The following EPHA5 variants were observed in gnomAD, a reference collection of about 807,000 sequenced individuals.
The protein encoded by EPHA5 is ephrin type-A receptor 5.
Under a neutral mutation model 105.0 loss-of-function variants are expected in EPHA5, and 60 were observed. That is an observed-to-expected ratio of 0.57 (90% CI 0.46 to 0.71). EPHA5 has a LOEUF of 0.71. Ranked by LOEUF, EPHA5 falls within the 30% of genes least tolerant of loss-of-function variation. EPHA5 has a pLI of 0.00. For synonymous variants in EPHA5, 513 were observed against 449.1 expected (o/e 1.14, Z -1.80); for missense variants, 1,218 against 1,274.7 (o/e 0.96, Z 0.68).
At chr4:65,486,694 A>G (rs1730913296) in intron 5 of EPHA5, among the ~76,000 whole-genome samples, 1 of 152,252 alleles carries the variant, frequency 6.6e-6, no homozygotes, top group Non-Finnish European at 1.5e-5. Context: ...AAAAACTACT[A>G]CAAAACACTT....
rs142556101 is a variant in EPHA5 at position 65,460,816 on chromosome 4, G to A, written c.1402+29561C>T. Among the ~76,000 whole-genome samples the A allele has an allele frequency of 2.3e-4, 35 of 151,852 alleles. No homozygotes were observed. In the East Asian group the frequency reaches 6.4e-3, roughly 28 times the overall value. On this transcript the variant is annotated intron_variant, in intron 5 of 16. Coordinates refer to ENST00000613740, the MANE Select transcript of EPHA5 (RefSeq NM_001281766.3). ...TGTTGGTATATGCTTCAATGTACGTGTGTGTTTGAGGTGAATGAGGGGAGA... is the reference window on the plus strand; with the variant it reads ...TGTTGGTATATGCTTCAATGTACGTATGTGTTTGAGGTGAATGAGGGGAGA...
intron 11 of EPHA5, among the ~76,000 whole-genome samples, chr4:65,361,125 T>C (rs113207106): frequency 0.013 from 2,019 of 151,766 alleles, 39 homozygotes; most frequent in African/African-American, 0.046. Flanking sequence ...GTTCATATTT[T>C]AAAACTTGTA....
At chr4:65,347,025 T>A (rs28377101) in intron 14 of EPHA5, among the ~76,000 whole-genome samples, 1,598 of 152,238 alleles carry the variant, frequency 0.01, 27 homozygotes, top group African/African-American at 0.036. Flanking sequence ...ACTTTTAGGT[T>A]GGACTCGAAT....
At chr4:65,628,355 A>C (rs1746334456) in intron 2 of EPHA5, among the ~76,000 whole-genome samples, 1 of 152,116 alleles carries the variant, frequency 6.6e-6, no homozygotes, top group Admixed American at 6.6e-5. Flanking sequence ...CAATGTATGA[A>C]TAATGCTACC....
At chr4:65,564,520 T>A (rs1168202259) in intron 3 of EPHA5, among the ~76,000 whole-genome samples, 1 of 151,774 alleles carries the variant, frequency 6.6e-6, no homozygotes, top group Non-Finnish European at 1.5e-5. Flanking sequence ...GACTTTGTTT[T>A]TATTGTATCA....
chr4:65,355,045 T>G (rs924363037), intron 11 of EPHA5, among the ~76,000 whole-genome samples: 1 of 151,784 alleles, frequency 6.6e-6, no homozygotes, highest in Non-Finnish European at 1.5e-5. Context: ...AGATCACATA[T>G]GCAGAGAATG....
At chr4:65,584,512 C>A (rs916703306) in intron 3 of EPHA5, among the ~76,000 whole-genome samples, 11 of 151,740 alleles carry the variant, frequency 7.2e-5, no homozygotes, top group African/African-American at 2.4e-4. Context: ...CAAAGCATAA[C>A]CTAAACATAT....
chr4:65,559,705 A>G (rs1287742080), intron 3 of EPHA5, among the ~76,000 whole-genome samples: 1 of 152,180 alleles, frequency 6.6e-6, no homozygotes, highest in East Asian at 1.9e-4. Context: ...TACCATGGGT[A>G]TTAGAAGGGC....
rs2149572824 is a variant in EPHA5 at position 65,669,787 on chromosome 4, C to G, written c.-45G>C. The stretch of plus-strand genomic sequence containing the variant: ...GTGCCGCTGTCCCGAGCGGCTCAGT[C>G]CACCGCTTCGGCCTCGCAGAGCGGC... On this transcript the variant is annotated 5_prime_UTR_variant, in exon 1 of 17. Coordinates refer to ENST00000613740, the MANE Select transcript of EPHA5 (RefSeq NM_001281766.3). 1.6e-6 allele frequency: 2 copies of G among 1,237,446 alleles called. No homozygotes were observed. Among genetic ancestry groups the G allele is most frequent in the Non-Finnish European group, 2.0e-6 (2 of 990,672 alleles). The allele number at this position is 1,237,446 out of a possible 1,614,324, so 76.7% of individuals were successfully genotyped here.
chr4:65,582,350 C>T (rs1263722186), intron 3 of EPHA5, among the ~76,000 whole-genome samples: 3 of 151,208 alleles, frequency 2.0e-5, no homozygotes, highest in East Asian at 3.9e-4. Flanking sequence ...TGAACTATGA[C>T]GAGGGAAACT....
chr4:65,335,729 G>T (rs945724708), intron 15 of EPHA5, among the ~76,000 whole-genome samples: 1 of 151,860 alleles, frequency 6.6e-6, no homozygotes, highest in Non-Finnish European at 1.5e-5. Context: ...TATTAGATTA[G>T]GTATAGGTGA....
intron 3 of EPHA5, among the ~76,000 whole-genome samples, chr4:65,520,935 A>G (rs1201646897): frequency 5.3e-5 from 8 of 152,146 alleles, no homozygotes; most frequent in African/African-American, 1.9e-4. Context: ...TAGGACTGTA[A>G]ACTGCTTCAA....
chr4:65,374,596 G>C (rs1718805419), intron 8 of EPHA5, among the ~76,000 whole-genome samples: 1 of 151,822 alleles, frequency 6.6e-6, no homozygotes, highest in Non-Finnish European at 1.5e-5. Flanking sequence ...TCTTCGGAAC[G>C]CTAAATTTCC....
chr4:65,405,346 T>C (rs1307884260), intron 7 of EPHA5, among the ~76,000 whole-genome samples: 1 of 152,210 alleles, frequency 6.6e-6, no homozygotes, highest in African/African-American at 2.4e-5. Context: ...ATATCTAGCA[T>C]GCTTCTTGTT....
At chr4:65,658,291 A>G (rs1045690274) in intron 1 of EPHA5, among the ~76,000 whole-genome samples, 2 of 152,102 alleles carry the variant, frequency 1.3e-5, no homozygotes, top group Non-Finnish European at 2.9e-5. Context: ...GAAGGGGAAC[A>G]GGCAGGAGAG....
chr4:65,373,053 C>A (rs576690838), intron 8 of EPHA5, among the ~76,000 whole-genome samples: 1 of 151,758 alleles, frequency 6.6e-6, no homozygotes, highest in African/African-American at 2.4e-5. Flanking sequence ...AAAATTAATT[C>A]TCCCTGTTTT....
intron 3 of EPHA5, among the ~76,000 whole-genome samples, chr4:65,541,307 C>A (rs903704987): frequency 6.6e-6 from 1 of 151,676 alleles, no homozygotes; most frequent in African/African-American, 2.4e-5. Context: ...CACAGACTGG[C>A]AAATTGGATA....
rs749105796 is a variant in EPHA5 at position 65,365,012 on chromosome 4, CT to C, written c.2173+4del. The C allele has an allele frequency of 6.2e-7, 1 of 1,609,490 alleles. No individual in the cohort carries two copies. The highest frequency in any genetic ancestry group is 8.5e-7 in the Non-Finnish European group (1 of 1,177,078). On this transcript the variant is annotated splice_donor_region_variant and intron_variant, in intron 11 of 16. Coordinates refer to ENST00000613740, the MANE Select transcript of EPHA5 (RefSeq NM_001281766.3). Reference sequence around the variant, plus strand: ...CACACATGTATAATTTGCCATCATACTTACTTTTGGTCACCACACCTTCTAA... The same window carrying C: ...CACACATGTATAATTTGCCATCATACTACTTTTGGTCACCACACCTTCTAA...
chr4:65,592,231 A>G (rs948874058), intron 3 of EPHA5, among the ~76,000 whole-genome samples: 1 of 152,150 alleles, frequency 6.6e-6, no homozygotes, highest in African/African-American at 2.4e-5. Flanking sequence ...CACAAATTCC[A>G]TTAAAACTAA....
Sources: gnomAD v4.1 joint callset for allele counts (sites outside exome capture counted in the v4.1 genomes callset) on GRCh38, gnomAD v4.1.1 for gene constraint, MANE v1.5 for transcripts, NCBI Gene and HGNC (gene_info 2026-07-23, HGNC 2026-07-21) for gene names.